The following DIP2C variants were observed in gnomAD, a reference collection of about 807,000 sequenced individuals.
DIP2C encodes the protein disco-interacting protein 2 homolog C.
A neutral mutation model predicts 192.4 loss-of-function variants in DIP2C; 33 were observed. That is an observed-to-expected ratio of 0.17 (90% confidence interval 0.13 to 0.23). DIP2C has a LOEUF of 0.23. Ranked by LOEUF, DIP2C falls within the 10% of genes least tolerant of loss-of-function variation. DIP2C has a pLI of 1.00. For missense variants in DIP2C, 1,537 were observed against 2,110.1 expected (o/e 0.73, Z 5.32); for synonymous variants, 979 against 864.1 (o/e 1.13, Z -2.33).
chr10:549,106 A>T (rs986389946), intron 1 of DIP2C, among the ~76,000 whole-genome samples: 5 of 152,214 alleles, frequency 3.3e-5, no homozygotes, highest in African/African-American at 1.2e-4. Flanking sequence ...GAAAACAAGC[A>T]GCTCATCAAG....
At chr10:578,199 T>C (rs77780575) in intron 1 of DIP2C, among the ~76,000 whole-genome samples, 1,557 of 152,330 alleles carry the variant, frequency 0.01, 31 homozygotes, top group African/African-American at 0.035. Flanking sequence ...AACTTACATA[T>C]CATTTTCAAC....
chr10:277,348 T>C lies in DIP2C; in HGVS notation c.4648A>G (p.Ile1550Val), dbSNP rs1466687183. 2 of 1,614,148 alleles carry C rather than the reference T, an allele frequency of 1.2e-6. No individual in the cohort carries two copies. The highest frequency in any genetic ancestry group is 2.2e-5 in the East Asian group (1 of 44,874). The change falls in exon 37 of 37, where the codon ATC becomes GTC. Residue 1550 changes from isoleucine to valine, a missense_variant. Ile to Val is a conservative substitution (Grantham distance 29, BLOSUM62 3). Around this residue, in one of 4 missense-constraint regions of DIP2C, gnomAD observed 341 missense variants for 551.7 expected, o/e 0.62. Transcript: ENST00000280886. ...DGFLADQLDP[I>V]YVAYNM is the part of the protein sequence containing the mutation. ...GACTACATGTTGTAGGCCACATAGATGGGGTCTAGCTGGTCTGCCAAAAAC... is the reference window on the plus strand; with the variant it reads ...GACTACATGTTGTAGGCCACATAGACGGGGTCTAGCTGGTCTGCCAAAAAC...
At chr10:644,677 G>C (rs1164633139) in intron 1 of DIP2C, among the ~76,000 whole-genome samples, 1 of 145,470 alleles carries the variant, frequency 6.9e-6, no homozygotes, top group Non-Finnish European at 1.5e-5. Flanking sequence ...TCAGACGTAG[G>C]GTTCAGCAAC....
At chr10:443,908 T>C (rs1309740731) in intron 3 of DIP2C, among the ~76,000 whole-genome samples, 4 of 152,204 alleles carry the variant, frequency 2.6e-5, no homozygotes, top group African/African-American at 9.7e-5. Flanking sequence ...GAGTACAAAG[T>C]ATACACAGTG....
chr10:404,639 A>G (rs1248528824), intron 9 of DIP2C, among the ~76,000 whole-genome samples: 1 of 152,210 alleles, frequency 6.6e-6, no homozygotes, highest in Admixed American at 6.5e-5. Context: ...AAGCATCCAG[A>G]TGGTCATTGA....
intron 3 of DIP2C, among the ~76,000 whole-genome samples, chr10:443,926 C>T (rs1173349959): frequency 6.6e-6 from 1 of 152,122 alleles, no homozygotes; most frequent in Non-Finnish European, 1.5e-5. Context: ...GTGAAATGTT[C>T]AGATCTTAAG....
Position 651,683 on chromosome 10 carries a change from C to T in DIP2C, c.85+37811G>A. 5.7e-6 allele frequency: 2 copies of T among 348,206 alleles called. No individual in the cohort carries two copies. Among genetic ancestry groups the T allele is most frequent in the South Asian group, 4.5e-5 (2 of 44,652 alleles). The allele number at this position is 348,206 out of a possible 1,614,324, so 21.6% of individuals were successfully genotyped here. A position where few individuals can be genotyped will look rare whatever the true frequency, so the allele number is the denominator to read the frequency against. On this transcript the variant is annotated intron_variant, in intron 1 of 36. Transcript: ENST00000280886. This position sits in a 1 kb window ranked among gnomAD's most constrained non-coding sequence, Gnocchi z 4.1. The stretch of plus-strand genomic sequence containing the variant: ...TTCACGTCCCCCAAATTTTCCGTAT[C>T]CCAAAATCTGGACTTTTGCTAAATG...
intron 32 of DIP2C, among the ~76,000 whole-genome samples, chr10:303,480 T>A (rs751950453): frequency 6.6e-6 from 1 of 152,194 alleles, no homozygotes; most frequent in Non-Finnish European, 1.5e-5. Flanking sequence ...TGTACAAAAA[T>A]AATTTATCTT....
At chr10:337,738 G>T (rs1451057023) in intron 29 of DIP2C, among the ~76,000 whole-genome samples, 1 of 116,666 alleles carries the variant, frequency 8.6e-6, no homozygotes, top group Non-Finnish European at 1.7e-5. Context: ...TGTGTGTGTT[G>T]TGGAGGACTA....
chr10:579,884 C>T (rs142027393), intron 1 of DIP2C, among the ~76,000 whole-genome samples: 2 of 151,584 alleles, frequency 1.3e-5, no homozygotes, highest in African/African-American at 4.9e-5. Flanking sequence ...AACACATGTA[C>T]ATGCATCTAG....
rs531638843 is a variant in DIP2C, at chr10:449,683, A to C, written c.269-8687T>G. On this transcript the variant is annotated intron_variant, in intron 3 of 36. Coordinates refer to ENST00000280886, the MANE Select transcript of DIP2C (RefSeq NM_014974.3). Reference sequence around the variant, plus strand: ...CAGTGGGAGATATACCTAATGATAGATGACACGTTGGTGGGTGCAGCGCAC... The same window carrying C: ...CAGTGGGAGATATACCTAATGATAGCTGACACGTTGGTGGGTGCAGCGCAC... Among the ~76,000 whole-genome samples, 9 of 150,408 alleles carry C rather than the reference A, an allele frequency of 6.0e-5. No individual in the cohort carries two copies. In the South Asian group the frequency reaches 1.9e-3, roughly 32 times the overall value.
At chr10:288,522 G>A (rs1955280874) in intron 32 of DIP2C, 101 bp from the exon 33 acceptor site, 1 of 1,268,734 alleles carries the variant, frequency 7.9e-7, no homozygotes, top group African/African-American at 1.5e-5. Context: ...GTCCGGGAAA[G>A]CTGATTCTGA....
Position 655,480 on chromosome 10 carries a change from A to G in DIP2C, c.85+34014T>C, listed in dbSNP as rs375986350. 3.3e-5 allele frequency among the ~76,000 whole-genome samples: 5 copies of G among 152,226 alleles called. No homozygotes were observed. The East Asian group carries it at 5.8e-4, about 18-fold the overall frequency. On this transcript the variant is annotated intron_variant, in intron 1 of 36. Coordinates refer to ENST00000280886, the MANE Select transcript of DIP2C (RefSeq NM_014974.3). ...CTGTTCTGTGCTATGTGACTCTACT[A>G]TTCCACACTACGCTACGTAATACTC... is the stretch of plus-strand genomic sequence containing the variant.
intron 1 of DIP2C, among the ~76,000 whole-genome samples, chr10:638,683 T>C (rs1387942865): frequency 6.6e-6 from 1 of 152,220 alleles, no homozygotes; most frequent in African/African-American, 2.4e-5. Flanking sequence ...TTACCTCCCA[T>C]TTTGGTGACA....
chr10:581,985 A>T (rs978752848), intron 1 of DIP2C, among the ~76,000 whole-genome samples: 5 of 151,890 alleles, frequency 3.3e-5, no homozygotes, highest in African/African-American at 1.2e-4. Flanking sequence ...TTGGATCCTC[A>T]TAAGGAGCAC....
Position 492,336 on chromosome 10 carries a change from G to A in DIP2C, c.86-5806C>T, listed in dbSNP as rs964734819. 3.3e-5 allele frequency among the ~76,000 whole-genome samples: 5 copies of A among 152,270 alleles called. No individual in the cohort carries two copies. In the East Asian group the frequency reaches 5.8e-4, roughly 18 times the overall value. The stretch of plus-strand genomic sequence containing the variant: ...AAGTCCTTCCCAACCTGGCCCTGCC[G>A]CCTTGGCCACCCGTGCTCTGCCATG... On this transcript the variant is annotated intron_variant, in intron 1 of 36. Coordinates refer to ENST00000280886, the MANE Select transcript of DIP2C (RefSeq NM_014974.3).
Position 584,982 on chromosome 10 carries a change from C to T in DIP2C, c.86-98452G>A, listed in dbSNP as rs374848515. The stretch of plus-strand genomic sequence containing the variant: ...CCGCGACCTGACCCCCACTCACGCG[C>T]ATCACCTCTCAGATAATCTCGGGGC... On this transcript the variant is annotated intron_variant, in intron 1 of 36. Transcript: ENST00000280886. Among the ~76,000 whole-genome samples, 7 of 144,244 alleles carry T rather than the reference C, an allele frequency of 4.9e-5. No individual in the cohort carries two copies. The East Asian group carries it at 6.4e-4, about 13-fold the overall frequency. 94.6% of individuals were successfully genotyped at this position (144,244 alleles called of 152,430 possible).
At chr10:656,022 A>G (rs1325752422) in intron 1 of DIP2C, among the ~76,000 whole-genome samples, 2 of 150,692 alleles carry the variant, frequency 1.3e-5, no homozygotes, top group Non-Finnish European at 3.0e-5. Flanking sequence ...TGTTTCTTCT[A>G]TGCTACCCTA....
Position 617,199 on chromosome 10 carries a change from C to T in DIP2C, c.85+72295G>A, listed in dbSNP as rs543175981. Among the ~76,000 whole-genome samples, 11 of 150,936 alleles carry T rather than the reference C, an allele frequency of 7.3e-5. No individual in the cohort carries two copies. The East Asian group carries it at 2.0e-3, about 27-fold the overall frequency. On this transcript the variant is annotated intron_variant, in intron 1 of 36. Coordinates refer to ENST00000280886, the MANE Select transcript of DIP2C (RefSeq NM_014974.3). ...GCCCCTACTGTGTTGGTATCTCAGC[C>T]GCCCCCTGAAATACACGACCTCCGC...
Sources: allele counts gnomAD v4.1 joint callset (sites outside exome capture counted in the v4.1 genomes callset), GRCh38; gene constraint gnomAD v4.1.1; regional missense constraint gnomAD v4.1.1; non-coding constraint Gnocchi (gnomAD v3.1); transcripts MANE v1.5; gene names NCBI Gene and HGNC (gene_info 2026-07-23, HGNC 2026-07-21).